Variants in MCCC1 observed in about 807,000 individuals in gnomAD.
MCCC1 encodes the protein methylcrotonoyl-CoA carboxylase subunit alpha, mitochondrial.
Under a neutral mutation model 83.8 loss-of-function variants are expected in MCCC1, and 64 were observed. The observed-to-expected ratio is 0.76, with a 90% CI of 0.62 to 0.94. The LOEUF is 0.94. Ranked by LOEUF, MCCC1 falls within the 40% of genes least tolerant of loss-of-function variation. MCCC1 has a pLI of 0.00. For missense variants in MCCC1, 807 were observed against 904.7 expected (o/e 0.89, Z 1.39); for synonymous variants, 322 against 315.4 (o/e 1.02, Z -0.22).
chr3:183,080,749 C>T (rs1285092618), intron 4 of MCCC1, among the ~76,000 whole-genome samples: 1 of 152,138 alleles, frequency 6.6e-6, no homozygotes, highest in Non-Finnish European at 1.5e-5. Context: ...GGGCAATTTA[C>T]AAAAGAAAGA....
Position 183,108,629 on chromosome 3 carries a change from TG to T in MCCC1, c.-102+6844del, listed in dbSNP as rs560282406. On this transcript the variant is annotated intron_variant, in intron 1 of 17. Coordinates refer to the MCCC1 transcript ENST00000492597. ...ACAAGAAGTAATGTTTAAATCTGAC[TG>T]AAGAAAATACTGGGGGGAGGAAGTG... Among the ~76,000 whole-genome samples the T allele has an allele frequency of 4.1e-3, 632 of 152,326 alleles. 3 individuals are homozygous for T. Among genetic ancestry groups the T allele is most frequent in the African/African-American group, 0.015 (611 of 41,588 alleles).
rs975615149 is a variant in MCCC1, at chr3:183,064,229, A to G, written c.761+6770T>C. ...GACATGGGGAGCTTTTACCTCCCTAAAAGGAGAAACTTGAGAGCTGATGGG... is the reference window on the plus strand; with the variant it reads ...GACATGGGGAGCTTTTACCTCCCTAGAAGGAGAAACTTGAGAGCTGATGGG... On this transcript the variant is annotated intron_variant, in intron 7 of 18. Coordinates refer to ENST00000265594, the MANE Select transcript of MCCC1 (RefSeq NM_020166.5). This position sits in a 1 kb window ranked among gnomAD's most constrained non-coding sequence, Gnocchi z 4.5. 1.3e-5 allele frequency among the ~76,000 whole-genome samples: 2 copies of G among 151,620 alleles called. No individual in the cohort carries two copies. The highest frequency in any genetic ancestry group is 2.4e-5 in the African/African-American group (1 of 41,340).
In MCCC1 at chr3:183,071,061, T is replaced by C. The variant is rs778160767; in HGVS notation, c.699A>G (p.Arg233=). The change falls in exon 7 of 19, where the codon AGA becomes AGG. Residue 233 remains arginine, a synonymous_variant. Coordinates refer to ENST00000265594, the MANE Select transcript of MCCC1 (RefSeq NM_020166.5). ...EFQEQLESAR[R]EAKKSFNDDA... is the part of the protein sequence containing the mutation. ...CATCATTGAAAGACTTCTTAGCTTC[T>C]CTCCGTGCTGACTCTAACTGTTCTT... is the stretch of plus-strand genomic sequence containing the variant. The C allele has an allele frequency of 3.1e-6, 5 of 1,614,232 alleles. No homozygotes were observed. The East Asian group carries it at 1.1e-4, about 36-fold the overall frequency.
rs757144967 is a variant in MCCC1, at chr3:183,037,221, G to A, written c.1591C>T (p.His531Tyr). 1.2e-6 allele frequency: 2 copies of A among 1,613,400 alleles called. No individual in the cohort carries two copies. The highest frequency in any genetic ancestry group is 1.8e-4 in the Middle Eastern group (1 of 5,494). ...GAAAGAGAAAAGCCTTCCATACCATGTGCCTGAAGAGTGAAAGTGTCGGTC... is the reference window on the plus strand; with the variant it reads ...GAAAGAGAAAAGCCTTCCATACCATATGCCTGAAGAGTGAAAGTGTCGGTC... ...AMTDTFTLQA[H>Y]DQFSPFSSSS... is the part of the protein sequence containing the mutation. Residue 531 changes from histidine (H) to tyrosine (Y), a missense_variant, in exon 13 of 19, where the codon CAT (histidine) becomes TAT (tyrosine). His to Tyr is a moderately conservative substitution (Grantham distance 83). Coordinates refer to ENST00000265594, the MANE Select transcript of MCCC1 (RefSeq NM_020166.5).
At chr3:183,096,181 C>T (rs1718720492) in intron 1 of MCCC1, among the ~76,000 whole-genome samples, 1 of 151,854 alleles carries the variant, frequency 6.6e-6, no homozygotes, top group African/African-American at 2.4e-5. Context: ...ACTAACAATA[C>T]AAAAATTAGC....
In MCCC1 at chr3:183,042,828, A is replaced by C. The variant is rs141710933; in HGVS notation, c.1084-1078T>G. ...AGTCAGCACTATGTTACCTATTATC[A>C]TTCCATCCTTAGGATCTAGAACCAG... On this transcript the variant is annotated intron_variant, in intron 10 of 18. Coordinates refer to ENST00000265594, the MANE Select transcript of MCCC1 (RefSeq NM_020166.5). Among the ~76,000 whole-genome samples, 650 of 151,952 alleles carry C rather than the reference A, an allele frequency of 4.3e-3. 6 individuals are homozygous for C. Among genetic ancestry groups the C allele is most frequent in the Middle Eastern group, 6.8e-3 (2 of 294 alleles).
intron 3 of MCCC1, among the ~76,000 whole-genome samples, chr3:183,089,591 C>T (rs1200126821): frequency 6.6e-6 from 1 of 151,782 alleles, no homozygotes; most frequent in Non-Finnish European, 1.5e-5. Flanking sequence ...TCCAGCCTAG[C>T]TGACAGAGTG....
intron 9 of MCCC1, among the ~76,000 whole-genome samples, chr3:183,051,927 CAT>C (rs1334545829): frequency 1.3e-5 from 2 of 152,090 alleles, no homozygotes; most frequent in Non-Finnish European, 2.9e-5. Flanking sequence ...TATCAAAACT[CAT>C]ATAATTAAGA....
chr3:183,111,339 G>A (rs867357604), intron 1 of MCCC1, among the ~76,000 whole-genome samples: 4 of 151,872 alleles, frequency 2.6e-5, no homozygotes, highest in Non-Finnish European at 4.4e-5. Context: ...TCACTCTGTC[G>A]CTCAGGCTGG....
chr3:183,078,005 G>GT (rs1717206513), intron 4 of MCCC1, among the ~76,000 whole-genome samples: 1 of 152,096 alleles, frequency 6.6e-6, no homozygotes, highest in Non-Finnish European at 1.5e-5. Context: ...ATACCACGCT[G>GT]TTTTGGTTAT....
chr3:183,041,151 C>T (rs1714050396), intron 11 of MCCC1, among the ~76,000 whole-genome samples: 1 of 152,156 alleles, frequency 6.6e-6, no homozygotes, highest in African/African-American at 2.4e-5. Flanking sequence ...TCCACTGTTT[C>T]TTTACTTTAA....
chr3:183,051,422 G>A (rs1714966858), intron 9 of MCCC1, among the ~76,000 whole-genome samples: 1 of 152,140 alleles, frequency 6.6e-6, no homozygotes, highest in South Asian at 2.1e-4. Context: ...ATCGGAAAAG[G>A]CTACATACTG....
intron 7 of MCCC1, among the ~76,000 whole-genome samples, chr3:183,061,965 T>A (rs1286360109): frequency 6.6e-6 from 1 of 152,138 alleles, no homozygotes. Flanking sequence ...GGCAGGTTTT[T>A]CCCGTGCTGT....
chr3:183,114,485 T>C (rs544765311), intron 1 of MCCC1, among the ~76,000 whole-genome samples: 2 of 152,172 alleles, frequency 1.3e-5, no homozygotes, highest in Non-Finnish European at 2.9e-5. Context: ...AGTGTCAGAA[T>C]TGAATTGAAG....
chr3:183,033,253 C>T (rs574086782), intron 14 of MCCC1, among the ~76,000 whole-genome samples: 10 of 152,290 alleles, frequency 6.6e-5, no homozygotes, highest in African/African-American at 2.2e-4. Context: ...GTCACTAAGT[C>T]GAGCCAACTC....
intron 1 of MCCC1, among the ~76,000 whole-genome samples, chr3:183,104,860 C>T (rs1560295524): frequency 6.6e-6 from 1 of 152,176 alleles, no homozygotes; most frequent in Non-Finnish European, 1.5e-5. Flanking sequence ...TAAAAATTGG[C>T]ACAACCATTC....
intron 3 of MCCC1, among the ~76,000 whole-genome samples, chr3:183,091,834 T>A (rs144923427): frequency 1.3e-5 from 2 of 151,984 alleles, no homozygotes; most frequent in South Asian, 2.1e-4. Context: ...GTCAGCAGAT[T>A]GAGACCATCC....
chr3:183,058,336 CG>C (rs1186252288), intron 7 of MCCC1, among the ~76,000 whole-genome samples: 2 of 152,090 alleles, frequency 1.3e-5, no homozygotes, highest in African/African-American at 4.8e-5. Flanking sequence ...AAAAAAGGGC[CG>C]GGCACAGTGC....
rs1443310397 is a variant in MCCC1, at chr3:183,017,477, C to G, written c.1978-140G>C. The G allele has an allele frequency of 1.7e-5, 13 of 786,056 alleles. No individual in the cohort carries two copies. The Middle Eastern group carries it at 9.6e-4, about 58-fold the overall frequency. The allele number at this position is 786,056 out of a possible 1,614,324, so 48.7% of individuals were successfully genotyped here. On this transcript the variant is annotated intron_variant, in intron 17 of 18. Transcript: ENST00000265594. The stretch of plus-strand genomic sequence containing the variant: ...CAAACCATGAATATAAACAATAAAA[C>G]ATAAATAAAAAGAAAAAAAACAACA...
Sources: gnomAD v4.1 joint callset for allele counts (sites outside exome capture counted in the v4.1 genomes callset) on GRCh38, gnomAD v4.1.1 for gene constraint, Gnocchi (gnomAD v3.1) non-coding constraint, MANE v1.5 for transcripts, NCBI Gene and HGNC (gene_info 2026-07-23, HGNC 2026-07-21) for gene names.